UNC5B: variants seen among roughly 807,000 people sequenced by gnomAD.
UNC5B encodes netrin receptor UNC5B.
Under a neutral mutation model 103.7 loss-of-function variants are expected in UNC5B, and 56 were observed. The ratio of observed to expected loss-of-function variants is 0.54; its 90% confidence interval spans 0.44 to 0.67. UNC5B has a LOEUF of 0.67. Ranked by LOEUF, UNC5B falls within the 30% of genes least tolerant of loss-of-function variation. The pLI is 0.00. For missense variants in UNC5B, 1,194 were observed against 1,284.5 expected, an observed-to-expected ratio of 0.93 and a Z score of 1.08; for synonymous variants, 577 against 542.0, an observed-to-expected ratio of 1.06 and a Z score of -0.90.
intron 1 of UNC5B, among the ~76,000 whole-genome samples, chr10:71,271,163 G>A (rs1418377241): frequency 6.6e-6 from 1 of 152,248 alleles, no homozygotes; most frequent in African/African-American, 2.4e-5. Flanking sequence ...AAGCTAGGGA[G>A]CTCCTGAGAG....
intron 1 of UNC5B, among the ~76,000 whole-genome samples, chr10:71,227,174 G>A (rs763634127): frequency 2.6e-5 from 4 of 151,920 alleles, no homozygotes; most frequent in Non-Finnish European, 5.9e-5. Flanking sequence ...TAGTAGAGAC[G>A]GGGTTTCACC....
At chr10:71,280,110 C>G in intron 2 of UNC5B, 65 bp downstream of exon 2, 1 of 1,521,074 alleles carries the variant, frequency 6.6e-7, no homozygotes, top group Non-Finnish European at 9.0e-7. Flanking sequence ...AGGCCTAGCT[C>G]CATGTGAGAC....
At position 71,212,885 on chromosome 10, in the gene UNC5B, GGACGGCGAGGAGGA is replaced by G; in HGVS notation, c.-99_-86del. On this transcript the variant is annotated 5_prime_UTR_variant, in exon 1 of 17. Transcript: ENST00000335350. ...GGCTGGCGCTGCCGGGCGCCGGGGAGGACGGCGAGGAGGAGGCGGCGGCGGCGGAGACGGCGGCG... is the reference window on the plus strand; with the variant it reads ...GGCTGGCGCTGCCGGGCGCCGGGGAGGGCGGCGGCGGCGGAGACGGCGGCG... 5.0e-6 allele frequency: 5 copies of G among 991,456 alleles called. No individual in the cohort carries two copies. Among genetic ancestry groups the G allele is most frequent in the Non-Finnish European group, 6.5e-6 (5 of 769,204 alleles). The allele number at this position is 991,456 out of a possible 1,614,324, so 61.4% of individuals were successfully genotyped here. A position where few individuals can be genotyped will look rare whatever the true frequency, so the allele number is the denominator to read the frequency against.
chr10:71,252,482 G>A (rs1437510141), intron 1 of UNC5B, among the ~76,000 whole-genome samples: 2 of 152,172 alleles, frequency 1.3e-5, no homozygotes, highest in Non-Finnish European at 2.9e-5. Flanking sequence ...TGTGAAGGCG[G>A]GACTGGTATT....
At chr10:71,291,242 G>T in intron 9 of UNC5B, 133 bp downstream of exon 9, 1 of 1,337,618 alleles carries the variant, frequency 7.5e-7, no homozygotes, top group Non-Finnish European at 1.0e-6. Flanking sequence ...AGATAACTAT[G>T]TGGATGGGTA....
In UNC5B at chr10:71,285,331, C is replaced by A; in HGVS notation, c.454C>A (p.Arg152Ser). ...GACCCTCTCGCTTCTCCCAGACCTG[C>A]GCAAGAACTTCGATCAGGAGCCTCT... Reference protein sequence around the residue: ...RRAYVRIAYLRKNFDQEPLGK... With the variant: ...RRAYVRIAYLSKNFDQEPLGK... Residue 152 changes from arginine to serine, a missense_variant, in exon 4 of 17, where the codon CGC becomes AGC. Arg to Ser is a moderately radical substitution (Grantham distance 110). Coordinates refer to ENST00000335350, the MANE Select transcript of UNC5B (RefSeq NM_170744.5). 6.2e-7 allele frequency: 1 copy of A among 1,609,832 alleles called. No homozygotes were observed. The highest frequency in any genetic ancestry group is 2.2e-5 in the East Asian group (1 of 44,728).
rs1212188773 is a variant in UNC5B, at chr10:71,279,865, G to A, written c.124G>A (p.Ala42Thr). ...SEVLPDSFPSAPAEPLPYFLQ... is the reference protein window; with the variant it reads ...SEVLPDSFPSTPAEPLPYFLQ... ...GGTGCTCCCTGACTCCTTCCCGTCA[G>A]CGCCAGCAGAGCCGCTGCCCTACTT... The change falls in exon 2 of 17, where the codon GCG becomes ACG. Residue 42 changes from alanine to threonine, a missense_variant. By Grantham distance (58) the Ala-to-Thr change is moderately conservative. Coordinates refer to ENST00000335350, the MANE Select transcript of UNC5B (RefSeq NM_170744.5). The A allele has an allele frequency of 5.6e-6, 9 of 1,613,834 alleles. No individual in the cohort carries two copies. Among genetic ancestry groups the A allele is most frequent in the Non-Finnish European group, 6.8e-6 (8 of 1,179,958 alleles).
At chr10:71,229,656 C>G (rs1022692476) in intron 1 of UNC5B, among the ~76,000 whole-genome samples, 2 of 152,220 alleles carry the variant, frequency 1.3e-5, no homozygotes, top group African/African-American at 4.8e-5. Context: ...AACAGAAATT[C>G]CCTGGGACCT....
chr10:71,285,362 A>G lies in UNC5B; in HGVS notation c.485A>G (p.Lys162Arg). 1 of 1,611,678 alleles carries G rather than the reference A, an allele frequency of 6.2e-7. No homozygotes were observed. The highest frequency in any genetic ancestry group is 8.5e-7 in the Non-Finnish European group (1 of 1,179,280). ...AACTTCGATCAGGAGCCTCTGGGCA[A>G]GGAGGTGCCCCTGGACCATGAGGTT... ...RKNFDQEPLG[K>R]EVPLDHEVLL... is the part of the protein sequence containing the mutation. The change falls in exon 4 of 17, where the codon AAG (lysine) becomes AGG (arginine). Residue 162 changes from lysine (K) to arginine (R), a missense_variant. By Grantham distance (26) the Lys-to-Arg change is conservative. Transcript: ENST00000335350.
At chr10:71,272,444 G>T (rs1370915735) in intron 1 of UNC5B, among the ~76,000 whole-genome samples, 1 of 152,154 alleles carries the variant, frequency 6.6e-6, no homozygotes, top group African/African-American at 2.4e-5. Flanking sequence ...GACCACAGCA[G>T]CCTCCCTCTG....
Position 71,293,408 on chromosome 10 carries a change from G to A in UNC5B, c.1776G>A (p.Pro592=), listed in dbSNP as rs374816685. 1.9e-5 allele frequency: 31 copies of A among 1,611,774 alleles called. No homozygotes were observed. Among genetic ancestry groups the A allele is most frequent in the Middle Eastern group, 3.3e-4 (2 of 6,054 alleles). ...CCTACCCTGTGTCCTCCTCCAGCCC[G>A]CTTTCAGAAGGGACCCAGACAGTAT... ...LLINKAESTL[P]LSEGTQTVLS... The change falls in exon 12 of 17, where the codon CCG becomes CCA. Residue 592 remains proline, a synonymous_variant. Coordinates refer to ENST00000335350, the MANE Select transcript of UNC5B (RefSeq NM_170744.5).
intron 1 of UNC5B, among the ~76,000 whole-genome samples, chr10:71,220,727 T>A (rs1189375102): frequency 2.0e-5 from 3 of 152,194 alleles, no homozygotes; most frequent in Non-Finnish European, 4.4e-5. Flanking sequence ...CACACAGTGA[T>A]CACTCAGGGC....
rs780373005 is a variant in UNC5B at position 71,299,260 on chromosome 10, A to G, written c.2821A>G (p.Thr941Ala). ...GKSEMLVAVA[T>A]DGDC ...GAGTGAGATGCTGGTGGCTGTGGCC[A>G]CCGACGGGGACTGCTGAGCCTCCTG... The change falls in exon 17 of 17, where the codon ACC (threonine) becomes GCC (alanine). Residue 941 changes from threonine to alanine, a missense_variant. Physicochemically the swap from Thr to Ala is moderately conservative, Grantham distance 58. Transcript: ENST00000335350. The G allele has an allele frequency of 2.5e-6, 4 of 1,613,928 alleles. No homozygotes were observed. In the African/African-American group the frequency reaches 5.3e-5, roughly 22 times the overall value.
intron 11 of UNC5B, 25 bp downstream of exon 11, chr10:71,292,579 C>T (rs1304903667): frequency 6.4e-7 from 1 of 1,571,638 alleles, no homozygotes; most frequent in Admixed American, 1.8e-5. Context: ...AGCCGCTGCT[C>T]CTTTTTCTTC....
intron 1 of UNC5B, among the ~76,000 whole-genome samples, chr10:71,262,254 C>A (rs370842247): frequency 1.4e-4 from 21 of 152,234 alleles, no homozygotes; most frequent in African/African-American, 4.8e-4. Flanking sequence ...CCCGACACCC[C>A]CTCATTACCG....
At chr10:71,228,350 C>T (rs1297782649) in intron 1 of UNC5B, among the ~76,000 whole-genome samples, 3 of 151,604 alleles carry the variant, frequency 2.0e-5, no homozygotes, top group Admixed American at 1.3e-4. Flanking sequence ...AAAAACTGAT[C>T]AGTTTTATTA....
rs896141603 is a variant in UNC5B, at chr10:71,300,961, C to G, written c.*1684C>G. ...ACATACCACCCCCACCCAACCTGTT[C>G]GAGGGGCCCTGCATGGCACGGGATG... On this transcript the variant is annotated 3_prime_UTR_variant, in exon 17 of 17. Coordinates refer to ENST00000335350, the MANE Select transcript of UNC5B (RefSeq NM_170744.5). 1 of 152,486 alleles carries G rather than the reference C, an allele frequency of 6.6e-6. No individual in the cohort carries two copies. Among genetic ancestry groups the G allele is most frequent in the Non-Finnish European group, 1.5e-5 (1 of 68,260 alleles). The allele number at this position is 152,486 out of a possible 1,614,324, so 9.4% of individuals were successfully genotyped here. A position where few individuals can be genotyped will look rare whatever the true frequency, so the allele number is the denominator to read the frequency against.
intron 1 of UNC5B, among the ~76,000 whole-genome samples, chr10:71,215,809 GTGTGTGTGT>G (rs1564702099): frequency 1.8e-4 from 1 of 5,606 alleles, no homozygotes; most frequent in Non-Finnish European, 4.6e-4. Flanking sequence ...TCTGCTTGGT[GTGTGTGTGT>G]GTGTGTGTGT....
At chr10:71,267,370 G>T (rs905680220) in intron 1 of UNC5B, among the ~76,000 whole-genome samples, 2 of 152,224 alleles carry the variant, frequency 1.3e-5, no homozygotes, top group African/African-American at 4.8e-5. Context: ...CAAGTTGGAA[G>T]TAGTTAAAGC....
Sources: allele counts gnomAD v4.1 joint callset (sites outside exome capture counted in the v4.1 genomes callset), GRCh38; gene constraint gnomAD v4.1.1; transcripts MANE v1.5; gene names NCBI Gene and HGNC (gene_info 2026-07-23, HGNC 2026-07-21).